Variants in ADARB2 observed in about 807,000 individuals in gnomAD.
ADARB2 encodes adenosine deaminase RNA specific B2 (inactive).
In ADARB2, 25 loss-of-function variants were observed where a neutral mutation model predicts 62.2. The observed-to-expected ratio is 0.40, with a 90% CI of 0.29 to 0.56. ADARB2 has a LOEUF of 0.56. Among genes scored for constraint, ADARB2 ranks in the 20% least tolerant of loss-of-function variants. ADARB2 has a pLI of 0.43. For synonymous variants in ADARB2, 572 were observed against 500.8 expected (o/e 1.14, Z -1.90); for missense variants, 1,071 against 1,077.4 (o/e 0.99, Z 0.08).
chr10:1,382,823 C>T (rs747885559), intron 1 of ADARB2, among the ~76,000 whole-genome samples: 3 of 151,842 alleles, frequency 2.0e-5, no homozygotes, highest in Non-Finnish European at 2.9e-5. Context: ...CTAGAAGAGG[C>T]GGCTGGGCTG....
rs559954076 is a variant in ADARB2 at position 1,227,554 on chromosome 10, C to G, written c.1513+6140G>C. On this transcript the variant is annotated intron_variant, in intron 6 of 9. Coordinates refer to ENST00000381312, the MANE Select transcript of ADARB2 (RefSeq NM_018702.4). ...CTATTCGGCCATCTTGGCTCCTCCC[C>G]CTAGATCCTCATTTCTAAATGAGGA... Among the ~76,000 whole-genome samples the G allele has an allele frequency of 1.3e-4, 20 of 152,300 alleles. 1 individual carries two copies. In the East Asian group the frequency reaches 3.9e-3, roughly 29 times the overall value.
At chr10:1,495,620 TCCATTCCATTAGTTAG>T (rs1831678410) in intron 1 of ADARB2, among the ~76,000 whole-genome samples, 4 of 65,884 alleles carry the variant, frequency 6.1e-5, no homozygotes, top group African/African-American at 8.5e-5. Flanking sequence ...TTAGAAATAT[TCCATTCCATTAGTTAG>T]AATATGATGA....
At chr10:1,250,683 T>A (rs1030612119) in intron 4 of ADARB2, among the ~76,000 whole-genome samples, 3 of 152,200 alleles carry the variant, frequency 2.0e-5, no homozygotes, top group Non-Finnish European at 4.4e-5. Flanking sequence ...TAAACCACTA[T>A]TTTTTATAAA....
intron 1 of ADARB2, among the ~76,000 whole-genome samples, chr10:1,551,231 C>A (rs1007259988): frequency 6.6e-6 from 1 of 152,154 alleles, no homozygotes; most frequent in South Asian, 2.1e-4. Flanking sequence ...AGGAACCAGG[C>A]CCCTGGACAC....
chr10:1,440,466 G>T (rs1298846443), intron 1 of ADARB2, among the ~76,000 whole-genome samples: 11 of 150,050 alleles, frequency 7.3e-5, no homozygotes, highest in Non-Finnish European at 1.2e-4. Context: ...GTAGCATCTG[G>T]CTCAGAGATT....
At chr10:1,453,260 C>T (rs1831060750) in intron 1 of ADARB2, among the ~76,000 whole-genome samples, 1 of 152,204 alleles carries the variant, frequency 6.6e-6, no homozygotes, top group African/African-American at 2.4e-5. Context: ...ATGCTCAAGA[C>T]ATTTTTAATG....
At chr10:1,707,515 C>T (rs908857566) in intron 1 of ADARB2, among the ~76,000 whole-genome samples, 3 of 152,174 alleles carry the variant, frequency 2.0e-5, no homozygotes, top group Non-Finnish European at 4.4e-5. Flanking sequence ...CGTCCTGATG[C>T]GGAAAATTAA....
At chr10:1,708,333 G>A (rs748117828) in intron 1 of ADARB2, among the ~76,000 whole-genome samples, 31 of 152,262 alleles carry the variant, frequency 2.0e-4, no homozygotes, top group Non-Finnish European at 4.1e-4. Flanking sequence ...AGTTTAACCA[G>A]GGCAGACCCC....
chr10:1,232,230 C>CA (rs1379135662), intron 6 of ADARB2, among the ~76,000 whole-genome samples: 10 of 152,096 alleles, frequency 6.6e-5, no homozygotes, highest in Non-Finnish European at 1.5e-5. Flanking sequence ...GCATTGCCTG[C>CA]ATTGAAAGAT....
intron 3 of ADARB2, among the ~76,000 whole-genome samples, chr10:1,356,753 C>A (rs528187766): frequency 6.6e-6 from 1 of 152,256 alleles, no homozygotes; most frequent in South Asian, 2.1e-4. Context: ...CCTTCTCAAG[C>A]AAAGCAACAA....
intron 3 of ADARB2, among the ~76,000 whole-genome samples, chr10:1,315,880 G>A (rs1297855812): frequency 6.6e-6 from 1 of 152,204 alleles, no homozygotes; most frequent in African/African-American, 2.4e-5. Flanking sequence ...GATTTAAAAT[G>A]TCTTGAATAC....
At position 1,267,151 on chromosome 10, in the gene ADARB2, A is replaced by C. The variant is rs566283210; in HGVS notation, c.1192+3804T>G. The stretch of plus-strand genomic sequence containing the variant: ...AAATCCAAGTTAAAAAAAAAAAAAA[A>C]ACCTTTCCCCCTCCCGGGTAGGTGT... On this transcript the variant is annotated intron_variant, in intron 4 of 9. Coordinates refer to ENST00000381312, the MANE Select transcript of ADARB2 (RefSeq NM_018702.4). Among the ~76,000 whole-genome samples, 29 of 151,722 alleles carry C rather than the reference A, an allele frequency of 1.9e-4. No homozygotes were observed. The East Asian group carries it at 4.8e-3, about 25-fold the overall frequency.
chr10:1,365,026 C>G (rs1476160826), intron 2 of ADARB2, among the ~76,000 whole-genome samples: 3 of 152,062 alleles, frequency 2.0e-5, no homozygotes, highest in Non-Finnish European at 4.4e-5. Flanking sequence ...GCACCCACCA[C>G]CACGCCTGGC....
intron 8 of ADARB2, among the ~76,000 whole-genome samples, chr10:1,190,286 G>T (rs140226842): frequency 6.6e-6 from 1 of 152,044 alleles, no homozygotes; most frequent in Non-Finnish European, 1.5e-5. Context: ...TCTGCAGGCC[G>T]CCCTGTGAGG....
chr10:1,373,147 A>G lies in ADARB2; in HGVS notation c.187+5927T>C, dbSNP rs527325174. On this transcript the variant is annotated intron_variant, in intron 2 of 9. Transcript: ENST00000381312. ...GTTAGAAAAAACAATCCTAAAGTTC[A>G]TATGGAATCAAAACAGATCCCGACT... Among the ~76,000 whole-genome samples, 27 of 152,340 alleles carry G rather than the reference A, an allele frequency of 1.8e-4. 1 individual carries two copies. The South Asian group carries it at 4.6e-3, about 26-fold the overall frequency.
chr10:1,669,951 T>C (rs1263603576), intron 1 of ADARB2, among the ~76,000 whole-genome samples: 1 of 150,708 alleles, frequency 6.6e-6, no homozygotes, highest in Non-Finnish European at 1.5e-5. Context: ...CACAGACACA[T>C]GCAGACACAC....
At chr10:1,374,763 C>A (rs1832407604) in intron 2 of ADARB2, among the ~76,000 whole-genome samples, 1 of 152,230 alleles carries the variant, frequency 6.6e-6, no homozygotes, top group Admixed American at 6.5e-5. Context: ...AATGACGCTG[C>A]GTGCCTGCGG....
At chr10:1,378,785 A>T (rs1376970654) in intron 2 of ADARB2, among the ~76,000 whole-genome samples, 1 of 152,164 alleles carries the variant, frequency 6.6e-6, no homozygotes, top group Non-Finnish European at 1.5e-5. Flanking sequence ...CCAGGTAAGG[A>T]TAGGACCTCA....
intron 1 of ADARB2, among the ~76,000 whole-genome samples, chr10:1,386,802 C>G (rs1832529171): frequency 6.6e-6 from 1 of 151,860 alleles, no homozygotes; most frequent in Non-Finnish European, 1.5e-5. Context: ...TAACAGCTAA[C>G]TTGACCTAAG....
Sources: gnomAD v4.1 joint callset for allele counts (sites outside exome capture counted in the v4.1 genomes callset) on GRCh38, gnomAD v4.1.1 for gene constraint, MANE v1.5 for transcripts, NCBI Gene and HGNC (gene_info 2026-07-23, HGNC 2026-07-21) for gene names.